The following SRRM3 variants were observed in gnomAD, a reference collection of about 807,000 sequenced individuals.
SRRM3 encodes the protein serine/arginine repetitive matrix 3, also known as serine/arginine repetitive matrix protein 3.
Under a neutral mutation model 66.2 loss-of-function variants are expected in SRRM3, and 27 were observed. The observed-to-expected ratio is 0.41, with a 90% CI of 0.30 to 0.56. The LOEUF (loss-of-function observed/expected upper bound fraction) is 0.56, where lower values mean the gene tolerates loss of function less well. SRRM3 is among the 20% of genes least tolerant of loss of function. SRRM3 has a pLI of 0.32. For missense variants in SRRM3, 918 were observed against 991.9 expected (o/e 0.93, Z 1.00); for synonymous variants, 391 against 414.9 (o/e 0.94, Z 0.70).
chr7:76,233,217 G>A (rs967147198), intron 1 of SRRM3, among the ~76,000 whole-genome samples: 3 of 152,200 alleles, frequency 2.0e-5, no homozygotes, highest in African/African-American at 7.2e-5. Context: ...AGACTGAGGT[G>A]GGAGGATATC....
intron 1 of SRRM3, among the ~76,000 whole-genome samples, chr7:76,228,359 A>G (rs2116980239): frequency 6.6e-6 from 1 of 152,210 alleles, no homozygotes; most frequent in East Asian, 1.9e-4. Context: ...TATTGGTGTT[A>G]CTTGTTAGAA....
At chr7:76,278,796 C>T (rs1416427767) in intron 11 of SRRM3, among the ~76,000 whole-genome samples, 5 of 152,224 alleles carry the variant, frequency 3.3e-5, no homozygotes, top group Non-Finnish European at 5.9e-5. Context: ...CCTGGGTCTA[C>T]CTCCATGTTC....
chr7:76,272,285 G>C (rs1309707732), intron 11 of SRRM3, among the ~76,000 whole-genome samples: 1 of 152,198 alleles, frequency 6.6e-6, no homozygotes, highest in Non-Finnish European at 1.5e-5. Context: ...GATGGGGCAG[G>C]CACAGTGACT....
rs1191772595 is a variant in SRRM3 at position 76,281,680 on chromosome 7, C to G, written c.1248C>G (p.Pro416=). 9 of 1,013,956 alleles carry G rather than the reference C, an allele frequency of 8.9e-6. No individual in the cohort carries two copies. The Admixed American group carries it at 5.3e-4, about 60-fold the overall frequency. 62.8% of individuals were successfully genotyped at this position (1,013,956 alleles called of 1,614,324 possible). The part of the protein sequence containing the change: ...RGRRRPRPAP[P]RGSSRSLSRA... ...GCCGGCGCCCCCGGCCCGCGCCCCC[C>G]CGGGGCTCGTCGCGCTCGCTCAGCA... is the stretch of plus-strand genomic sequence containing the variant. Residue 416 remains proline (P), a synonymous_variant, in exon 12 of 15, where the codon CCC becomes CCG. Transcript: ENST00000611745.
intron 3 of SRRM3, among the ~76,000 whole-genome samples, chr7:76,259,079 GA>G (rs1175577978): frequency 7.5e-5 from 10 of 134,208 alleles, no homozygotes; most frequent in Non-Finnish European, 1.1e-4. Context: ...GAGTGAGACT[GA>G]AAAAAAAAAG....
At chr7:76,266,566 T>C (rs1802058705) in intron 10 of SRRM3, among the ~76,000 whole-genome samples, 1 of 118,576 alleles carries the variant, frequency 8.4e-6, no homozygotes, top group Non-Finnish European at 1.6e-5. Context: ...ATATATAATA[T>C]ATAAACATTT....
At chr7:76,219,397 A>G (rs1800657236) in intron 1 of SRRM3, among the ~76,000 whole-genome samples, 1 of 152,226 alleles carries the variant, frequency 6.6e-6, no homozygotes. Context: ...CTCTGGAGGC[A>G]GCAGACAGTG....
At chr7:76,261,206 G>A in intron 6 of SRRM3, 146 bp from the exon 7 acceptor site, 1 of 689,138 alleles carries the variant, frequency 1.5e-6, no homozygotes. Context: ...TGGGGCCTCG[G>A]GTCACTCTGT....
At chr7:76,226,935 A>T (rs1360259586) in intron 1 of SRRM3, among the ~76,000 whole-genome samples, 1 of 152,200 alleles carries the variant, frequency 6.6e-6, no homozygotes. Context: ...CTTCCAGAGT[A>T]GGAAAGGACC....
At chr7:76,228,519 T>C (rs1554603949) in intron 1 of SRRM3, among the ~76,000 whole-genome samples, 3 of 151,914 alleles carry the variant, frequency 2.0e-5, no homozygotes, top group African/African-American at 4.8e-5. Context: ...GGTCAGAAGT[T>C]CAAGACCAGT....
At chr7:76,282,580 A>ACCCC in intron 12 of SRRM3, 68 bp from the exon 13 acceptor site, 2 of 172,296 alleles carry the variant, frequency 1.2e-5, no homozygotes, top group Non-Finnish European at 1.9e-5. Context: ...CGCCCCAGGG[A>ACCCC]ACCCTCCCCG....
intron 8 of SRRM3, among the ~76,000 whole-genome samples, chr7:76,262,986 T>G (rs1280999219): frequency 6.6e-6 from 1 of 152,098 alleles, no homozygotes; most frequent in African/African-American, 2.4e-5. Flanking sequence ...AGTCTGGAGT[T>G]CCTTCTTTGT....
intron 1 of SRRM3, among the ~76,000 whole-genome samples, chr7:76,202,848 C>T (rs925192653): frequency 5.3e-5 from 8 of 152,186 alleles, no homozygotes; most frequent in Non-Finnish European, 7.3e-5. Flanking sequence ...AAGCCTCCTG[C>T]AGTTCCTACT....
Position 76,261,571 on chromosome 7 carries a change from A to G in SRRM3, c.664A>G (p.Arg222Gly). The change falls in exon 8 of 15, where the codon AGA becomes GGA. Residue 222 changes from arginine (R) to glycine (G), a missense_variant. Coordinates refer to ENST00000611745, the MANE Select transcript of SRRM3 (RefSeq NM_001110199.3). ...DRSDSGSRRKRRHRSRSSKCK... is the reference protein window; with the variant it reads ...DRSDSGSRRKGRHRSRSSKCK... The stretch of plus-strand genomic sequence containing the variant: ...GTCTGATTCTGGGTCCCGGAGGAAG[A>G]GACGGCACAGGTGAGCGGCGCTTTG... 1.2e-6 allele frequency: 2 copies of G among 1,611,834 alleles called. No individual in the cohort carries two copies. Among genetic ancestry groups the G allele is most frequent in the Non-Finnish European group, 1.7e-6 (2 of 1,179,122 alleles).
rs1554609243 is a variant in SRRM3, at chr7:76,264,792, AGAG to A, written c.703_705del (p.Glu235del). The stretch of plus-strand genomic sequence containing the variant: ...CTCGAAGCTCCAAGTGCAAAAGAAA[AGAG>A]AAGAACAAAGAGAAGAAGAGGTAAG... On this transcript the variant is annotated inframe_deletion, in exon 9 of 15. Transcript: ENST00000611745. 3.7e-6 allele frequency: 6 copies of A among 1,613,766 alleles called. No individual in the cohort carries two copies. Among genetic ancestry groups the A allele is most frequent in the Non-Finnish European group, 5.1e-6 (6 of 1,179,878 alleles).
At chr7:76,221,329 AC>A (rs1235381191) in intron 1 of SRRM3, among the ~76,000 whole-genome samples, 3 of 145,320 alleles carry the variant, frequency 2.1e-5, no homozygotes, top group Non-Finnish European at 4.5e-5. Flanking sequence ...TGCTGGGATT[AC>A]AGGTTTGAGC....
intron 8 of SRRM3, among the ~76,000 whole-genome samples, chr7:76,263,710 C>T (rs782254869): frequency 2.6e-5 from 4 of 151,536 alleles, no homozygotes; most frequent in Non-Finnish European, 2.9e-5. Context: ...AACAAACAAA[C>T]AAACAAACAA....
chr7:76,281,954 C>T (rs1802525798), intron 12 of SRRM3, among the ~76,000 whole-genome samples, 152 bp downstream of exon 12: 1 of 122,264 alleles, frequency 8.2e-6, no homozygotes, highest in Non-Finnish European at 1.8e-5. Context: ...CCATGGATTC[C>T]ACCCCCCCAT....
At chr7:76,220,897 C>A (rs567955449) in intron 1 of SRRM3, among the ~76,000 whole-genome samples, 3 of 152,086 alleles carry the variant, frequency 2.0e-5, no homozygotes, top group Non-Finnish European at 4.4e-5. Flanking sequence ...TTCCCCTCCC[C>A]CCACCGCGTC....
Sources: gnomAD v4.1 joint callset for allele counts (sites outside exome capture counted in the v4.1 genomes callset) on GRCh38, gnomAD v4.1.1 for gene constraint, MANE v1.5 for transcripts, NCBI Gene and HGNC (gene_info 2026-07-23, HGNC 2026-07-21) for gene names.